The following TRIM33 variants were observed in gnomAD, a reference collection of about 807,000 sequenced individuals.
TRIM33 encodes the protein tripartite motif containing 33.
Under a neutral mutation model 125.4 loss-of-function variants are expected in TRIM33, and 20 were observed. The ratio of observed to expected loss-of-function variants is 0.16; its 90% CI spans 0.11 to 0.23. The LOEUF (loss-of-function observed/expected upper bound fraction) is 0.23. Among genes scored for constraint, TRIM33 ranks in the 10% least tolerant of loss-of-function variants. The probability of loss-of-function intolerance (pLI) is 1.00; values close to 1 mark genes in which losing one functional copy is unlikely to be tolerated. For missense variants in TRIM33, 920 were observed against 1,411.4 expected (o/e 0.65, Z 5.58); for synonymous variants, 564 against 513.9 (o/e 1.10, Z -1.32).
chr1:114,463,801 C>T (rs1650132538), intron 2 of TRIM33, among the ~76,000 whole-genome samples: 1 of 146,354 alleles, frequency 6.8e-6, no homozygotes, highest in East Asian at 2.0e-4. Flanking sequence ...CAGGCTCTCG[C>T]TCTGTCACCC....
chr1:114,510,425 A>T, intron 1 of TRIM33, 126 bp downstream of exon 1: 1 of 853,700 alleles, frequency 1.2e-6, no homozygotes, highest in Non-Finnish European at 1.7e-6. Flanking sequence ...CGAGTCTTTC[A>T]CCTTAGAGAC....
chr1:114,493,638 T>C (rs1173762359), intron 1 of TRIM33, among the ~76,000 whole-genome samples: 1 of 152,148 alleles, frequency 6.6e-6, no homozygotes, highest in African/African-American at 2.4e-5. Context: ...GGGGTATGAC[T>C]TCATTCCTTT....
At chr1:114,485,829 T>C (rs1225884694) in intron 1 of TRIM33, among the ~76,000 whole-genome samples, 1 of 152,102 alleles carries the variant, frequency 6.6e-6, no homozygotes, top group African/African-American at 2.4e-5. Flanking sequence ...ATCCAAAATA[T>C]TTGCAATATA....
At chr1:114,431,948 GTAGT>G (rs1268221107) in intron 5 of TRIM33, among the ~76,000 whole-genome samples, 5 of 152,146 alleles carry the variant, frequency 3.3e-5, no homozygotes, top group African/African-American at 4.8e-5. Context: ...AAAACAGAGA[GTAGT>G]TAGAGAGTAG....
chr1:114,457,907 T>C (rs1482861334), intron 4 of TRIM33, among the ~76,000 whole-genome samples: 1 of 152,226 alleles, frequency 6.6e-6, no homozygotes, highest in Non-Finnish European at 1.5e-5. Flanking sequence ...GTGGACTGTT[T>C]CGTAACTTTG....
chr1:114,485,399 G>A (rs896111673), intron 1 of TRIM33, among the ~76,000 whole-genome samples: 1 of 152,108 alleles, frequency 6.6e-6, no homozygotes, highest in African/African-American at 2.4e-5. Flanking sequence ...AAGGGGGTAA[G>A]AGACCAGGCA....
At chr1:114,422,757 T>C (rs1647282996) in intron 10 of TRIM33, among the ~76,000 whole-genome samples, 1 of 152,120 alleles carries the variant, frequency 6.6e-6, no homozygotes, top group Admixed American at 6.5e-5. Flanking sequence ...GTTCGAATAT[T>C]TGATGATTAA....
intron 1 of TRIM33, among the ~76,000 whole-genome samples, chr1:114,489,036 T>C (rs1017397431): frequency 2.0e-5 from 3 of 151,758 alleles, no homozygotes; most frequent in African/African-American, 4.8e-5. Flanking sequence ...GGTGACAGAG[T>C]GAGACCCTGT....
At chr1:114,477,616 A>T (rs1651055608) in intron 1 of TRIM33, among the ~76,000 whole-genome samples, 1 of 152,370 alleles carries the variant, frequency 6.6e-6, no homozygotes, top group Middle Eastern at 3.4e-3. Context: ...AAGTGCTCAC[A>T]AAATGTAAGC....
At chr1:114,501,747 C>CA in intron 1 of TRIM33, among the ~76,000 whole-genome samples, 1 of 151,994 alleles carries the variant, frequency 6.6e-6, no homozygotes, top group East Asian at 1.9e-4. Context: ...TAAATCAAAA[C>CA]AAAAAATGTA....
At chr1:114,435,251 C>T (rs1279842244) in intron 4 of TRIM33, among the ~76,000 whole-genome samples, 8 of 152,124 alleles carry the variant, frequency 5.3e-5, no homozygotes, top group African/African-American at 1.9e-4. Flanking sequence ...GATCAGGGTA[C>T]AGTACTGGTT....
chr1:114,425,353 T>C (rs778638659), intron 9 of TRIM33, 96 bp downstream of exon 9: 168 of 1,474,478 alleles, frequency 1.1e-4, no homozygotes, highest in Non-Finnish European at 1.4e-4. Context: ...TCAGTCTTGC[T>C]AGTAACTTTG....
chr1:114,442,687 C>CAA (rs34847018), intron 4 of TRIM33, among the ~76,000 whole-genome samples: 110 of 73,790 alleles, frequency 1.5e-3, no homozygotes, highest in East Asian at 4.9e-3. Context: ...GACTCTGTCT[C>CAA]AAAAAAAAAA....
intron 6 of TRIM33, among the ~76,000 whole-genome samples, chr1:114,429,625 G>GGACA: frequency 6.7e-6 from 1 of 149,164 alleles, no homozygotes; most frequent in Admixed American, 6.6e-5. Flanking sequence ...TGAAGAGATG[G>GGACA]GACAGAAAAA....
At position 114,510,949 on chromosome 1, in the gene TRIM33, A is replaced by T; in HGVS notation, c.128T>A (p.Val43Glu). The change falls in exon 1 of 20, where the codon GTG becomes GAG. Residue 43 changes from valine (V) to glutamate (E), a missense_variant. By Grantham distance (121) the Val-to-Glu change is moderately radical (BLOSUM62 -2). Coordinates refer to ENST00000358465, the MANE Select transcript of TRIM33 (RefSeq NM_015906.4). ...EAEPPLTAVL[V>E]EEEEEEGGRA... is the part of the protein sequence containing the mutation. Reference sequence around the variant, plus strand: ...GCCGCCTTCCTCCTCCTCCTCCTCCACCAGCACCGCGGTGAGAGGCGGCTC... The same window carrying T: ...GCCGCCTTCCTCCTCCTCCTCCTCCTCCAGCACCGCGGTGAGAGGCGGCTC... 7.1e-7 allele frequency: 1 copy of T among 1,404,910 alleles called. No homozygotes were observed. The highest frequency in any genetic ancestry group is 9.2e-7 in the Non-Finnish European group (1 of 1,081,186). 87.0% of individuals were successfully genotyped at this position (1,404,910 alleles called of 1,614,324 possible).
chr1:114,502,580 C>A (rs561623063), intron 1 of TRIM33, among the ~76,000 whole-genome samples: 1 of 152,290 alleles, frequency 6.6e-6, no homozygotes, highest in South Asian at 2.1e-4. Flanking sequence ...GATCGCAGTT[C>A]ACTGTAGCCT....
chr1:114,482,973 T>A (rs1384684552), intron 1 of TRIM33, among the ~76,000 whole-genome samples: 1 of 152,208 alleles, frequency 6.6e-6, no homozygotes, highest in Non-Finnish European at 1.5e-5. Flanking sequence ...AATAGAACTA[T>A]GAACCTCTTA....
intron 8 of TRIM33, 111 bp downstream of exon 8, chr1:114,427,066 T>C (rs1010308586): frequency 3.1e-5 from 17 of 543,956 alleles, no homozygotes; most frequent in African/African-American, 2.9e-4. Context: ...TTACATAAAA[T>C]GTAAAACATT....
Position 114,397,245 on chromosome 1 carries a change from T to C in TRIM33, c.*403A>G, listed in dbSNP as rs888577659. On this transcript the variant is annotated 3_prime_UTR_variant, in exon 20 of 20. Coordinates refer to ENST00000358465, the MANE Select transcript of TRIM33 (RefSeq NM_015906.4). ...GAGGGTTAAAAGTTGTTTTAATAAC[T>C]GTGCGACCTAGTCCAAAAAGAAAAT... is the stretch of plus-strand genomic sequence containing the variant. The C allele has an allele frequency of 7.9e-6, 2 of 253,924 alleles. No individual in the cohort carries two copies. Among genetic ancestry groups the C allele is most frequent in the Non-Finnish European group, 1.5e-5 (2 of 130,020 alleles). The allele number at this position is 253,924 out of a possible 1,614,324, so 15.7% of individuals were successfully genotyped here. A position where few individuals can be genotyped will look rare whatever the true frequency, so the allele number is the denominator to read the frequency against.
Sources: gnomAD v4.1 joint callset for allele counts (sites outside exome capture counted in the v4.1 genomes callset) on GRCh38, gnomAD v4.1.1 for gene constraint, MANE v1.5 for transcripts, NCBI Gene and HGNC (gene_info 2026-07-23, HGNC 2026-07-21) for gene names.